Variants in GLB1L2 observed in about 807,000 individuals in gnomAD.
The protein encoded by GLB1L2 is beta-galactosidase-1-like protein 2.
Under a neutral mutation model 84.1 loss-of-function variants are expected in GLB1L2, and 68 were observed. That is an observed-to-expected ratio of 0.81 (90% CI 0.67 to 0.99). The LOEUF is 0.99. GLB1L2 is among the 50% of genes least tolerant of loss of function. GLB1L2 has a pLI of 0.00. For missense variants in GLB1L2, 762 were observed against 805.6 expected, an observed-to-expected ratio of 0.95 and a Z score of 0.66; for synonymous variants, 290 against 318.0, an observed-to-expected ratio of 0.91 and a Z score of 0.94.
In GLB1L2 at chr11:134,375,231, G is replaced by A; in HGVS notation, c.*173G>A. The A allele has an allele frequency of 1.7e-6, 1 of 580,310 alleles. No homozygotes were observed. The highest frequency in any genetic ancestry group is 3.1e-6 in the Non-Finnish European group (1 of 327,088). 35.9% of individuals were successfully genotyped at this position (580,310 alleles called of 1,614,324 possible). A position where few individuals can be genotyped will look rare whatever the true frequency, so the allele number is the denominator to read the frequency against. On this transcript the variant is annotated 3_prime_UTR_variant, in exon 19 of 19. Transcript: ENST00000535456. ...TCAGCTCAAAACCCTAAGCCTGCAGGGAAAGGTGGGATGGCTCTGGGCCTG... is the reference window on the plus strand; with the variant it reads ...TCAGCTCAAAACCCTAAGCCTGCAGAGAAAGGTGGGATGGCTCTGGGCCTG...
intron 5 of GLB1L2, among the ~76,000 whole-genome samples, chr11:134,354,342 G>A (rs965345423): frequency 6.6e-6 from 1 of 151,816 alleles, no homozygotes; most frequent in Non-Finnish European, 1.5e-5. Flanking sequence ...TCTTCATATT[G>A]GGTGTACCCA....
intron 8 of GLB1L2, among the ~76,000 whole-genome samples, chr11:134,365,337 C>T (rs114807334): frequency 0.021 from 3,134 of 152,272 alleles, 111 homozygotes; most frequent in African/African-American, 0.071. Context: ...GCAGATCAGG[C>T]GCGATCCAGC....
chr11:134,362,436 G>A (rs897219304), intron 7 of GLB1L2, among the ~76,000 whole-genome samples: 6 of 152,208 alleles, frequency 3.9e-5, no homozygotes, highest in African/African-American at 1.4e-4. Flanking sequence ...CAGCAGCTTA[G>A]GAAAGAGGCT....
rs184471444 is a variant in GLB1L2, at chr11:134,349,535, T to C, written c.558+2102T>C. Among the ~76,000 whole-genome samples the C allele has an allele frequency of 5.0e-4, 76 of 152,312 alleles. 1 individual carries two copies. The highest frequency in any genetic ancestry group is 1.5e-5 in the Non-Finnish European group (1 of 68,022). On this transcript the variant is annotated intron_variant, in intron 5 of 18. Coordinates refer to ENST00000535456, the MANE Select transcript of GLB1L2 (RefSeq NM_001370461.1). Reference sequence around the variant, plus strand: ...ATTGCCATACCGTTTTCCACAGAAGTTGCACCAAATTACATTCCCACCAGC... The same window carrying C: ...ATTGCCATACCGTTTTCCACAGAAGCTGCACCAAATTACATTCCCACCAGC...
intron 1 of GLB1L2, among the ~76,000 whole-genome samples, chr11:134,333,777 T>C (rs1489304936): frequency 1.3e-5 from 2 of 152,106 alleles, no homozygotes; most frequent in Non-Finnish European, 2.9e-5. Flanking sequence ...TCTTGGGCCA[T>C]TGGAGCAGGT....
At chr11:134,368,521 G>C in intron 9 of GLB1L2, 123 bp from the exon 10 acceptor site, 1 of 938,050 alleles carries the variant, frequency 1.1e-6, no homozygotes, top group Non-Finnish European at 1.7e-6. Flanking sequence ...TAGAAGGACA[G>C]AGTGACAAAG....
chr11:134,368,558 TG>T, intron 9 of GLB1L2, 85 bp from the exon 10 acceptor site: 2 of 1,437,018 alleles, frequency 1.4e-6, no homozygotes. Flanking sequence ...GAGGTGGGAC[TG>T]GGAAAGAGGA....
intron 7 of GLB1L2, among the ~76,000 whole-genome samples, chr11:134,362,897 C>T (rs1050688116): frequency 2.0e-5 from 3 of 152,188 alleles, no homozygotes; most frequent in Non-Finnish European, 2.9e-5. Context: ...TCACCCCTTC[C>T]GCACTCCTAG....
At chr11:134,367,021 G>A (rs936535738) in intron 8 of GLB1L2, 121 of 561,504 alleles carry the variant, frequency 2.2e-4, no homozygotes, top group Non-Finnish European at 7.0e-5. Flanking sequence ...TTGCCATATC[G>A]ACTTTGGGAG....
chr11:134,365,949 A>C (rs1943863010), intron 8 of GLB1L2, among the ~76,000 whole-genome samples: 1 of 152,208 alleles, frequency 6.6e-6, no homozygotes, highest in African/African-American at 2.4e-5. Context: ...CAGTGTGCTA[A>C]GGGTGTTATG....
chr11:134,366,498 C>T (rs1389242111), intron 8 of GLB1L2, among the ~76,000 whole-genome samples: 1 of 152,202 alleles, frequency 6.6e-6, no homozygotes. Context: ...GAGGAAGGCT[C>T]TCTCATGCAG....
In GLB1L2 at chr11:134,370,935, G is replaced by A. The variant is rs182403239; in HGVS notation, c.1216-73G>A. 12 of 1,560,430 alleles carry A rather than the reference G, an allele frequency of 7.7e-6. No individual in the cohort carries two copies. The East Asian group carries it at 2.5e-4, about 32-fold the overall frequency. On this transcript the variant is annotated intron_variant, in intron 12 of 18. Transcript: ENST00000535456. This position sits in a 1 kb window ranked among gnomAD's most constrained non-coding sequence, Gnocchi z 4.7. ...ACCTCCGCTTCCACCCCATGTGCCA[G>A]CCCCCAGGCAGAGTCTGTCTGTGAC...
At chr11:134,374,452 GA>G in intron 17 of GLB1L2, 149 bp from the exon 18 acceptor site, 1 of 771,542 alleles carries the variant, frequency 1.3e-6, no homozygotes, top group Non-Finnish European at 2.3e-6. Flanking sequence ...AGGGGGACAG[GA>G]AATAGAGCAT....
At chr11:134,364,751 C>T (rs1334548605) in intron 8 of GLB1L2, 4 of 215,714 alleles carry the variant, frequency 1.9e-5, no homozygotes, top group African/African-American at 2.3e-5. Context: ...CACAGGCATC[C>T]GACCTTAACC....
At chr11:134,371,597 C>T (rs1460062797) in intron 14 of GLB1L2, 105 bp downstream of exon 14, 1 of 1,017,602 alleles carries the variant, frequency 9.8e-7, no homozygotes, top group Non-Finnish European at 1.6e-6. Flanking sequence ...TCCTTACCCA[C>T]AAGCTGTAGG....
At chr11:134,340,291 T>TGCATGG (rs1194784737) in intron 1 of GLB1L2, among the ~76,000 whole-genome samples, 1 of 152,128 alleles carries the variant, frequency 6.6e-6, no homozygotes, top group Non-Finnish European at 1.5e-5. Context: ...TGTGTGTGTG[T>TGCATGG]GCATGTGCAT....
chr11:134,357,062 G>A (rs1943713755), intron 6 of GLB1L2, among the ~76,000 whole-genome samples: 1 of 152,228 alleles, frequency 6.6e-6, no homozygotes, highest in Non-Finnish European at 1.5e-5. Context: ...GCTCAGTACT[G>A]TTCTAGTAAG....
chr11:134,369,859 T>G lies in GLB1L2; in HGVS notation c.1082T>G (p.Leu361Arg). The change falls in exon 11 of 19, where the codon CTT becomes CGT. Residue 361 changes from leucine to arginine, a missense_variant. Around this residue, in one of 3 missense-constraint regions of GLB1L2, gnomAD observed 603 missense variants for 611.7 expected, o/e 0.99. Transcript: ENST00000535456. ...GATTACACGGCCAAGTACATGAAGC[T>G]TCGAGACTTCTTCGGCTCCATCTCA... ...AGDYTAKYMK[L>R]RDFFGSISGI... is the part of the protein sequence containing the mutation. 6.2e-7 allele frequency: 1 copy of G among 1,613,706 alleles called. No homozygotes were observed. Among genetic ancestry groups the G allele is most frequent in the Non-Finnish European group, 8.5e-7 (1 of 1,179,638 alleles).
At chr11:134,354,512 A>G (rs1943676285) in intron 5 of GLB1L2, among the ~76,000 whole-genome samples, 1 of 151,876 alleles carries the variant, frequency 6.6e-6, no homozygotes, top group South Asian at 2.1e-4. Flanking sequence ...ACTCTCTAGC[A>G]TTTTTTCATT....
Sources: gnomAD v4.1 joint callset for allele counts (sites outside exome capture counted in the v4.1 genomes callset) on GRCh38, gnomAD v4.1.1 for gene constraint, gnomAD v4.1.1 regional missense constraint, Gnocchi (gnomAD v3.1) non-coding constraint, MANE v1.5 for transcripts, NCBI Gene and HGNC (gene_info 2026-07-23, HGNC 2026-07-21) for gene names.